The following GAPVD1 variants were observed in gnomAD, a reference collection of about 807,000 sequenced individuals.
The protein encoded by GAPVD1 is GTPase activating protein and VPS9 domains 1.
GAPVD1 carries 35 observed loss-of-function variants against 155.5 expected under a neutral mutation model. The observed-to-expected ratio is 0.23, with a 90% CI of 0.17 to 0.30. GAPVD1 has a LOEUF of 0.30. Ranked by LOEUF, GAPVD1 falls within the 10% of genes least tolerant of loss-of-function variation. The pLI is 1.00. For missense variants in GAPVD1, 1,429 were observed against 1,775.7 expected (o/e 0.80, Z 3.51); for synonymous variants, 636 against 619.7 (o/e 1.03, Z -0.39).
chr9:125,262,260 T>TG (rs1451864906), intron 1 of GAPVD1, among the ~76,000 whole-genome samples: 3 of 151,614 alleles, frequency 2.0e-5, no homozygotes, highest in Non-Finnish European at 2.9e-5. Context: ...CGGCCTCGGG[T>TG]GGGGGCCAGA....
chr9:125,362,006 G>A (rs1428814173), intron 27 of GAPVD1, among the ~76,000 whole-genome samples: 1 of 152,168 alleles, frequency 6.6e-6, no homozygotes, highest in African/African-American at 2.4e-5. Context: ...CCTCCTGTTG[G>A]CCATCGCTCT....
At chr9:125,315,246 C>T (rs1036086410) in intron 9 of GAPVD1, among the ~76,000 whole-genome samples, 9 of 152,232 alleles carry the variant, frequency 5.9e-5, no homozygotes, top group Non-Finnish European at 5.9e-5. Context: ...CAACAATCTT[C>T]GAAACTCCAT....
At chr9:125,359,294 C>A in intron 25 of GAPVD1, 126 bp from the exon 26 acceptor site, 1 of 692,086 alleles carries the variant, frequency 1.4e-6, no homozygotes, top group Non-Finnish European at 2.6e-6. Context: ...TAACTGTAAT[C>A]CATATCTAGC....
chr9:125,345,856 T>G (rs1848444737), intron 19 of GAPVD1: 1 of 152,064 alleles, frequency 6.6e-6, no homozygotes, highest in Non-Finnish European at 1.5e-5. Context: ...TATATGTATA[T>G]ATACACATAA....
chr9:125,357,237 C>G (rs1264315485), intron 25 of GAPVD1, among the ~76,000 whole-genome samples: 1 of 152,172 alleles, frequency 6.6e-6, no homozygotes, highest in Non-Finnish European at 1.5e-5. Flanking sequence ...CTAACAGCAC[C>G]AGGCACAGTG....
At chr9:125,275,951 CACAA>C (rs1835717114) in intron 2 of GAPVD1, among the ~76,000 whole-genome samples, 1 of 152,132 alleles carries the variant, frequency 6.6e-6, no homozygotes, top group Non-Finnish European at 1.5e-5. Flanking sequence ...GAGCTTAACC[CACAA>C]ACCATTTATT....
intron 2 of GAPVD1, among the ~76,000 whole-genome samples, chr9:125,274,334 A>T (rs527691917): frequency 3.4e-4 from 51 of 151,802 alleles, no homozygotes; most frequent in South Asian, 8.3e-4. Flanking sequence ...TTGTTTTTTT[A>T]AAAAAAACTA....
chr9:125,264,850 C>T (rs1303699162), intron 1 of GAPVD1, among the ~76,000 whole-genome samples: 5 of 151,336 alleles, frequency 3.3e-5, no homozygotes, highest in Admixed American at 2.0e-4. Flanking sequence ...TCCCAGGTAG[C>T]TGGGACTACA....
At chr9:125,329,122 A>G (rs1845704423) in intron 12 of GAPVD1, among the ~76,000 whole-genome samples, 1 of 152,126 alleles carries the variant, frequency 6.6e-6, no homozygotes, top group African/African-American at 2.4e-5. Context: ...GGGGAGAGGG[A>G]GAGGGAGAGG....
chr9:125,321,606 A>T (rs773970745), intron 10 of GAPVD1, 44 bp downstream of exon 10: 1 of 1,571,930 alleles, frequency 6.4e-7, no homozygotes, highest in South Asian at 1.1e-5. Flanking sequence ...TTCAATTAAT[A>T]GTTTGTTTTG....
At chr9:125,296,647 C>G (rs915670574) in intron 3 of GAPVD1, among the ~76,000 whole-genome samples, 2 of 128,694 alleles carry the variant, frequency 1.6e-5, no homozygotes, top group African/African-American at 6.8e-5. Flanking sequence ...AGCCACTGTG[C>G]CTGGCCTTTT....
At chr9:125,293,846 T>A (rs1228852575) in intron 2 of GAPVD1, among the ~76,000 whole-genome samples, 2 of 50,556 alleles carry the variant, frequency 4.0e-5, no homozygotes, top group Non-Finnish European at 6.4e-5. Flanking sequence ...TATATAAAAA[T>A]ATATTTTATA....
chr9:125,271,939 G>T lies in GAPVD1; in HGVS notation c.-150+2955G>T, dbSNP rs139984464. ...TTGGCTACTTTACAAAAATGCATTA[G>T]GTCTAAAAGTTATAACATTTAAGGC... On this transcript the variant is annotated intron_variant, in intron 2 of 27. Transcript: ENST00000297933. Among the ~76,000 whole-genome samples, 849 of 152,160 alleles carry T rather than the reference G, an allele frequency of 5.6e-3. 6 individuals carry two copies. Among genetic ancestry groups the T allele is most frequent in the African/African-American group, 0.02 (824 of 41,486 alleles).
chr9:125,346,474 G>A (rs545924405), intron 19 of GAPVD1: 4 of 310,014 alleles, frequency 1.3e-5, no homozygotes, highest in African/African-American at 8.5e-5. Context: ...ATGTAAAAAT[G>A]CACTGTTGGA....
chr9:125,299,032 A>G lies in GAPVD1; in HGVS notation c.111A>G (p.Thr37=). 6.2e-7 allele frequency: 1 copy of G among 1,612,466 alleles called. No homozygotes were observed. Among genetic ancestry groups the G allele is most frequent in the Non-Finnish European group, 8.5e-7 (1 of 1,178,596 alleles). ...IQRLNADVLK[T]AEKLYRTAWI... ...GGCTCAATGCAGATGTACTTAAGACAGCTGAAAAGTTGTATCGTACAGCAT... is the reference window on the plus strand; with the variant it reads ...GGCTCAATGCAGATGTACTTAAGACGGCTGAAAAGTTGTATCGTACAGCAT... The change falls in exon 4 of 28, where the codon ACA becomes ACG. Residue 37 remains threonine, a synonymous_variant. Transcript: ENST00000297933.
At chr9:125,362,482 T>C (rs1851087707) in intron 27 of GAPVD1, 124 bp from the exon 28 acceptor site, 2 of 756,348 alleles carry the variant, frequency 2.6e-6, no homozygotes, top group South Asian at 2.0e-5. Flanking sequence ...AAAAATAACT[T>C]TGGGGTTGTT....
intron 19 of GAPVD1, among the ~76,000 whole-genome samples, chr9:125,343,582 A>G (rs548959512): frequency 1.1e-4 from 16 of 152,302 alleles, no homozygotes; most frequent in African/African-American, 3.9e-4. Context: ...ATTTCCCCAG[A>G]ATAAAGGGTT....
chr9:125,363,959 A>C lies in GAPVD1; in HGVS notation c.*1213A>C, dbSNP rs1472705455. On this transcript the variant is annotated 3_prime_UTR_variant, in exon 28 of 28. Coordinates refer to ENST00000297933, the MANE Select transcript of GAPVD1 (RefSeq NM_001282680.3). Reference sequence around the variant, plus strand: ...CAGGAATGGGTTTTGGTGCCTGAAAAATTGGCCATGGAGGCACACCAAAGC... The same window carrying C: ...CAGGAATGGGTTTTGGTGCCTGAAACATTGGCCATGGAGGCACACCAAAGC... The C allele has an allele frequency of 1.3e-5, 2 of 152,636 alleles. No individual in the cohort carries two copies. The highest frequency in any genetic ancestry group is 4.8e-5 in the African/African-American group (2 of 41,456). The allele number at this position is 152,636 out of a possible 1,614,324, so 9.5% of individuals were successfully genotyped here.
chr9:125,353,039 G>A (rs1197055652), intron 23 of GAPVD1, among the ~76,000 whole-genome samples: 9 of 151,944 alleles, frequency 5.9e-5, no homozygotes, highest in African/African-American at 9.7e-5. Flanking sequence ...ACCTGGAAGC[G>A]GAGGTTACAG....
Sources: allele counts gnomAD v4.1 joint callset (sites outside exome capture counted in the v4.1 genomes callset), GRCh38; gene constraint gnomAD v4.1.1; transcripts MANE v1.5; gene names NCBI Gene and HGNC (gene_info 2026-07-23, HGNC 2026-07-21).